Variants in PXDNL observed in about 807,000 individuals in gnomAD.
The protein encoded by PXDNL is probable oxidoreductase PXDNL.
PXDNL carries 145 observed loss-of-function variants against 150.8 expected under a neutral mutation model. The observed-to-expected ratio is 0.96, with a 90% CI of 0.84 to 1.10. The LOEUF (loss-of-function observed/expected upper bound fraction) is 1.10. Ranked by LOEUF, PXDNL falls within the 50% of genes least tolerant of loss-of-function variation. The probability of loss-of-function intolerance (pLI) is 0.00; values close to 1 mark genes in which losing one functional copy is unlikely to be tolerated. For missense variants in PXDNL, 2,087 were observed against 1,873.9 expected, an observed-to-expected ratio of 1.11 and a Z score of -2.10; for synonymous variants, 757 against 725.7, an observed-to-expected ratio of 1.04 and a Z score of -0.69.
intron 1 of PXDNL, among the ~76,000 whole-genome samples, chr8:51,711,749 T>A (rs115040790): frequency 6.6e-6 from 1 of 152,252 alleles, no homozygotes; most frequent in Admixed American, 6.5e-5. Flanking sequence ...TCCAAAAGTA[T>A]ATATATGCAG....
chr8:51,727,945 G>C (rs1254879361), intron 1 of PXDNL, among the ~76,000 whole-genome samples: 2 of 152,140 alleles, frequency 1.3e-5, no homozygotes, highest in African/African-American at 4.8e-5. Context: ...TTCCTTTTAA[G>C]AGAGTAAACA....
intron 1 of PXDNL, among the ~76,000 whole-genome samples, chr8:51,702,742 A>T (rs1156438352): frequency 6.6e-6 from 1 of 152,186 alleles, no homozygotes; most frequent in African/African-American, 2.4e-5. Context: ...AATTGTTATC[A>T]TGTTCCCAGA....
chr8:51,716,771 A>G (rs1442837908), intron 1 of PXDNL, among the ~76,000 whole-genome samples: 3 of 152,208 alleles, frequency 2.0e-5, no homozygotes, highest in Non-Finnish European at 4.4e-5. Context: ...GTGGAAAACG[A>G]TTGCACCCCT....
intron 19 of PXDNL, among the ~76,000 whole-genome samples, chr8:51,368,630 T>TA (rs1563377327): frequency 6.6e-6 from 1 of 152,162 alleles, no homozygotes; most frequent in African/African-American, 2.4e-5. Flanking sequence ...AATGAACCAC[T>TA]AGGACTGCTT....
chr8:51,555,019 C>A (rs1812571903), intron 4 of PXDNL, among the ~76,000 whole-genome samples: 1 of 152,120 alleles, frequency 6.6e-6, no homozygotes, highest in Admixed American at 6.6e-5. Flanking sequence ...ACAGTAACAC[C>A]CTACTCTTTG....
chr8:51,367,100 CAAAAAAAAA>C (rs58282258), intron 19 of PXDNL, among the ~76,000 whole-genome samples: 22 of 55,246 alleles, frequency 4.0e-4, no homozygotes, highest in South Asian at 2.2e-3. Flanking sequence ...ACTCTTGTCT[CAAAAAAAAA>C]AAAAAAAAAA....
intron 12 of PXDNL, among the ~76,000 whole-genome samples, chr8:51,431,544 T>G (rs1000202736): frequency 6.6e-6 from 1 of 152,196 alleles, no homozygotes; most frequent in Non-Finnish European, 1.5e-5. Flanking sequence ...CACATTTGAT[T>G]CTCTCCTTCT....
intron 4 of PXDNL, among the ~76,000 whole-genome samples, chr8:51,522,026 G>A (rs930661325): frequency 1.3e-5 from 2 of 152,090 alleles, no homozygotes; most frequent in African/African-American, 4.8e-5. Context: ...AATGCAATAG[G>A]TCAGAAACTG....
At chr8:51,603,033 A>G (rs961350416) in intron 2 of PXDNL, among the ~76,000 whole-genome samples, 1 of 151,782 alleles carries the variant, frequency 6.6e-6, no homozygotes, top group Non-Finnish European at 1.5e-5. Context: ...AATTATTTAC[A>G]TATTATCATT....
intron 1 of PXDNL, among the ~76,000 whole-genome samples, chr8:51,669,833 A>T (rs1184353785): frequency 6.6e-6 from 1 of 152,214 alleles, no homozygotes; most frequent in Non-Finnish European, 1.5e-5. Flanking sequence ...TTTCACACAC[A>T]TTTAAAAAAA....
chr8:51,533,482 T>TCCCTCCCCCTCC (rs1156419011), intron 4 of PXDNL, among the ~76,000 whole-genome samples: 1 of 117,824 alleles, frequency 8.5e-6, no homozygotes, highest in Admixed American at 8.1e-5. Context: ...AGAAGACCTC[T>TCCCTCCCCCTCC]CCCTCCCCCT....
At chr8:51,374,031 A>T (rs1265397968) in intron 18 of PXDNL, among the ~76,000 whole-genome samples, 1 of 152,214 alleles carries the variant, frequency 6.6e-6, no homozygotes, top group African/African-American at 2.4e-5. Flanking sequence ...TTTTAGACAA[A>T]CCAAGAAATT....
At chr8:51,729,251 T>C (rs1329322597) in intron 1 of PXDNL, among the ~76,000 whole-genome samples, 1 of 151,912 alleles carries the variant, frequency 6.6e-6, no homozygotes, top group Non-Finnish European at 1.5e-5. Flanking sequence ...TGAAAGAAAA[T>C]ATGTGCAAAA....
chr8:51,500,421 G>A (rs1811156139), intron 4 of PXDNL, among the ~76,000 whole-genome samples: 1 of 152,218 alleles, frequency 6.6e-6, no homozygotes, highest in Admixed American at 6.5e-5. Flanking sequence ...GGCAACTGAA[G>A]ACAGAAAGGC....
At chr8:51,748,338 G>A (rs1204682770) in intron 1 of PXDNL, among the ~76,000 whole-genome samples, 1 of 152,202 alleles carries the variant, frequency 6.6e-6, no homozygotes, top group Non-Finnish European at 1.5e-5. Context: ...GCGTTTTTCA[G>A]AAGTGGGGAT....
At chr8:51,586,804 G>A (rs1260446958) in intron 3 of PXDNL, among the ~76,000 whole-genome samples, 1 of 152,168 alleles carries the variant, frequency 6.6e-6, no homozygotes, top group African/African-American at 2.4e-5. Flanking sequence ...TTTAGTAATA[G>A]GAGTTCAAAA....
intron 10 of PXDNL, among the ~76,000 whole-genome samples, 143 bp downstream of exon 10, chr8:51,453,361 ACTTGAAACAGATTAG>A (rs1809851429): frequency 6.6e-6 from 1 of 152,254 alleles, no homozygotes; most frequent in Non-Finnish European, 1.5e-5. Context: ...ACAACTTTTA[ACTTGAAACAGATTAG>A]CTTTGAAAAT....
Position 51,569,424 on chromosome 8 carries a change from C to T in PXDNL, c.309-12513G>A, listed in dbSNP as rs143810920. Among the ~76,000 whole-genome samples the T allele has an allele frequency of 2.8e-3, 432 of 151,978 alleles. 3 individuals are homozygous for T. The highest frequency in any genetic ancestry group is 9.9e-3 in the African/African-American group (411 of 41,504). On this transcript the variant is annotated intron_variant, in intron 3 of 22. Transcript: ENST00000356297. The stretch of plus-strand genomic sequence containing the variant: ...TTAGGGTGCTGATAACTAAAACACA[C>T]GCTTTTTGTTCTTTCAAAAATGTTA...
rs186922611 is a variant in PXDNL at position 51,551,230 on chromosome 8, T to C, written c.380+5610A>G. Among the ~76,000 whole-genome samples, 246 of 152,270 alleles carry C rather than the reference T, an allele frequency of 1.6e-3. 1 individual carries two copies. Among genetic ancestry groups the C allele is most frequent in the Non-Finnish European group, 7.5e-4 (51 of 68,018 alleles). ...TATGTTCACAGATGGGTAGAATCAG[T>C]ATTATGAAAATGACCATACTGCCAA... On this transcript the variant is annotated intron_variant, in intron 4 of 22. Transcript: ENST00000356297.
Sources: gnomAD v4.1 joint callset for allele counts (sites outside exome capture counted in the v4.1 genomes callset) on GRCh38, gnomAD v4.1.1 for gene constraint, MANE v1.5 for transcripts, NCBI Gene and HGNC (gene_info 2026-07-23, HGNC 2026-07-21) for gene names.